KIZ: variants seen among roughly 807,000 people sequenced by gnomAD.
KIZ encodes the protein kizuna centrosomal protein, also known as centrosomal protein kizuna.
A neutral mutation model predicts 79.6 loss-of-function variants in KIZ; 68 were observed. The observed-to-expected ratio is 0.85, with a 90% CI of 0.70 to 1.05. KIZ has a LOEUF of 1.05. KIZ is among the 50% of genes least tolerant of loss of function. The probability of loss-of-function intolerance (pLI) is 0.00; values close to 1 mark genes in which losing one functional copy is unlikely to be tolerated. For missense variants in KIZ, 797 were observed against 800.4 expected (o/e 1.00, Z 0.05); for synonymous variants, 280 against 281.8 (o/e 0.99, Z 0.06).
At chr20:21,147,961 T>TTGTGTGTGTGTGTG (rs61333547) in intron 4 of KIZ, among the ~76,000 whole-genome samples, 7,172 of 140,996 alleles carry the variant, frequency 0.051, 218 homozygotes, top group Middle Eastern at 0.15. Flanking sequence ...CTCCTGGAAT[T>TTGTGTGTGTGTGTG]TGTGTGTGTG....
chr20:21,217,872 C>G (rs921853781), intron 9 of KIZ, among the ~76,000 whole-genome samples: 1 of 152,160 alleles, frequency 6.6e-6, no homozygotes, highest in Non-Finnish European at 1.5e-5. Flanking sequence ...ACAAAGCAAA[C>G]TCAAAGAAGA....
chr20:21,162,938 C>A lies in KIZ; in HGVS notation c.1131C>A (p.Asp377Glu). The A allele has an allele frequency of 6.2e-7, 1 of 1,613,550 alleles. No individual in the cohort carries two copies. Among genetic ancestry groups the A allele is most frequent in the Non-Finnish European group, 8.5e-7 (1 of 1,179,662 alleles). Residue 377 changes from aspartate (D) to glutamate (E), a missense_variant, in exon 6 of 13, where the codon GAC becomes GAA. Transcript: ENST00000619189. ...AGGAAAGTTGGAGCACCAGCAGTGA[C>A]CTTACCATTTCAATAAGTGAAGATG... ...EEEESWSTSSDLTISISEDDL... is the reference protein window; with the variant it reads ...EEEESWSTSSELTISISEDDL...
intron 6 of KIZ, among the ~76,000 whole-genome samples, chr20:21,183,514 C>T (rs1373806780): frequency 2.0e-5 from 3 of 152,184 alleles, no homozygotes; most frequent in South Asian, 2.1e-4. Context: ...GCTAGCTTCA[C>T]GGCTTTCACG....
intron 6 of KIZ, among the ~76,000 whole-genome samples, chr20:21,192,012 G>A (rs573627905): frequency 1.3e-5 from 2 of 152,100 alleles, no homozygotes; most frequent in Admixed American, 6.5e-5. Flanking sequence ...TTCTGCCGGC[G>A]GGGAGGGGTA....
intron 6 of KIZ, among the ~76,000 whole-genome samples, chr20:21,167,328 G>C (rs4625995): frequency 0.57 from 86,235 of 152,026 alleles, 26,503 homozygotes; most frequent in South Asian, 0.78. Context: ...ACATGTTCAG[G>C]GTTCCTTGTG....
intron 6 of KIZ, chr20:21,166,680 A>G: frequency 1.5e-6 from 1 of 655,628 alleles, no homozygotes; most frequent in Non-Finnish European, 2.6e-6. Flanking sequence ...CTGGTCTTGT[A>G]CTCCCTACCT....
At chr20:21,226,021 G>C (rs767625918) in intron 9 of KIZ, 23 of 152,186 alleles carry the variant, frequency 1.5e-4, no homozygotes, top group Non-Finnish European at 3.1e-4. Flanking sequence ...TTCCCTAAGT[G>C]TTCTTGTACC....
intron 6 of KIZ, among the ~76,000 whole-genome samples, chr20:21,168,041 A>T (rs376296170): frequency 7.9e-5 from 12 of 152,198 alleles, no homozygotes; most frequent in African/African-American, 2.9e-4. Context: ...ATTTAACATT[A>T]GGTATATCTC....
intron 7 of KIZ, among the ~76,000 whole-genome samples, chr20:21,211,236 G>T (rs1773069990): frequency 6.6e-6 from 1 of 152,140 alleles, no homozygotes; most frequent in African/African-American, 2.4e-5. Flanking sequence ...GGCTAATAAA[G>T]GAATAGTACT....
intron 1 of KIZ, among the ~76,000 whole-genome samples, chr20:21,127,866 A>G (rs945093278): frequency 6.6e-6 from 1 of 152,226 alleles, no homozygotes; most frequent in Non-Finnish European, 1.5e-5. Flanking sequence ...AAGTAAGGCC[A>G]CAGATTTTTT....
chr20:21,233,012 C>G (rs1361633812), intron 11 of KIZ, 182 bp downstream of exon 11: 6 of 580,534 alleles, frequency 1.0e-5, no homozygotes, highest in Non-Finnish European at 1.8e-5. Context: ...TGCACCAGAG[C>G]CAAGTATTGT....
At position 21,229,717 on chromosome 20, in the gene KIZ, G is replaced by C. The variant is rs144195566; in HGVS notation, c.1783+602G>C. On this transcript the variant is annotated intron_variant, in intron 10 of 12. Transcript: ENST00000619189. ...AGCCTCCCAAGTAGCTGGGACTACAGGTGCGCACCACCACACTCGGCTAAT... is the reference window on the plus strand; with the variant it reads ...AGCCTCCCAAGTAGCTGGGACTACACGTGCGCACCACCACACTCGGCTAAT... Among the ~76,000 whole-genome samples, 1,383 of 152,066 alleles carry C rather than the reference G, an allele frequency of 9.1e-3. 8 individuals are homozygous for C. Among genetic ancestry groups the C allele is most frequent in the Non-Finnish European group, 0.016 (1,065 of 67,966 alleles).
intron 6 of KIZ, among the ~76,000 whole-genome samples, chr20:21,191,075 T>C (rs906950256): frequency 1.3e-5 from 2 of 152,156 alleles, no homozygotes; most frequent in South Asian, 4.1e-4. Flanking sequence ...TTTGGAATGC[T>C]TGGTTGGAAT....
chr20:21,173,332 C>G (rs556628160), intron 6 of KIZ, among the ~76,000 whole-genome samples: 4 of 151,948 alleles, frequency 2.6e-5, no homozygotes, highest in African/African-American at 9.7e-5. Flanking sequence ...AATCCCAACA[C>G]TTTGGGAGGC....
At chr20:21,176,237 G>A (rs2034427979) in intron 6 of KIZ, among the ~76,000 whole-genome samples, 2 of 152,150 alleles carry the variant, frequency 1.3e-5, no homozygotes, top group African/African-American at 2.4e-5. Context: ...CTGAACCTGG[G>A]AGGCAGAGGT....
chr20:21,237,245 T>C lies in KIZ; in HGVS notation c.1880+4415T>C, dbSNP rs189922571. Among the ~76,000 whole-genome samples, 329 of 142,528 alleles carry C rather than the reference T, an allele frequency of 2.3e-3. 1 individual carries two copies. Among genetic ancestry groups the C allele is most frequent in the African/African-American group, 8.5e-3 (319 of 37,734 alleles). The allele number at this position is 142,528 out of a possible 152,430, so 93.5% of individuals were successfully genotyped here. ...TGAACCCAGGAGGCAGAGGTTGCAG[T>C]GCATCGAGATCGTGCCACTACACTC... On this transcript the variant is annotated intron_variant, in intron 11 of 12. Coordinates refer to ENST00000619189, the MANE Select transcript of KIZ (RefSeq NM_018474.6).
chr20:21,160,013 C>T (rs1373931529), intron 4 of KIZ, among the ~76,000 whole-genome samples: 1 of 152,208 alleles, frequency 6.6e-6, no homozygotes, highest in Non-Finnish European at 1.5e-5. Context: ...GGACTACACT[C>T]GTTATTGCCT....
At chr20:21,211,891 C>A (rs1391442354) in intron 7 of KIZ, among the ~76,000 whole-genome samples, 1 of 152,146 alleles carries the variant, frequency 6.6e-6, no homozygotes, top group Non-Finnish European at 1.5e-5. Flanking sequence ...GAGTTCGAGA[C>A]CAGCCTGGCC....
chr20:21,171,563 AC>A (rs1413019669), intron 6 of KIZ, among the ~76,000 whole-genome samples: 6 of 152,030 alleles, frequency 3.9e-5, no homozygotes, highest in Non-Finnish European at 5.9e-5. Flanking sequence ...CTGCCACCTC[AC>A]CCTCTTGAGT....
Sources: allele counts gnomAD v4.1 joint callset (sites outside exome capture counted in the v4.1 genomes callset), GRCh38; gene constraint gnomAD v4.1.1; transcripts MANE v1.5; gene names NCBI Gene and HGNC (gene_info 2026-07-23, HGNC 2026-07-21).